SEMA3A: variants seen among roughly 807,000 people sequenced by gnomAD.
The protein encoded by SEMA3A is semaphorin 3A, also known as semaphorin-3A.
SEMA3A carries 29 observed loss-of-function variants against 97.9 expected under a neutral mutation model. The observed-to-expected ratio is 0.30, with a 90% CI of 0.22 to 0.40. SEMA3A has a LOEUF of 0.40. Among genes scored for constraint, SEMA3A ranks in the 10% least tolerant of loss-of-function variants. SEMA3A has a pLI of 1.00. For missense variants in SEMA3A, 763 were observed against 951.3 expected, an observed-to-expected ratio of 0.80 and a Z score of 2.60; for synonymous variants, 321 against 323.7, an observed-to-expected ratio of 0.99 and a Z score of 0.09.
rs562964953 is a variant in SEMA3A, at chr7:84,405,608, C to T, written c.-245-33708G>A. Among the ~76,000 whole-genome samples the T allele has an allele frequency of 7.0e-4, 107 of 152,322 alleles. 1 individual carries two copies. Among genetic ancestry groups the T allele is most frequent in the African/African-American group, 2.3e-3 (97 of 41,566 alleles). On this transcript the variant is annotated intron_variant, in intron 1 of 3. Transcript: ENST00000424555. Reference sequence around the variant, plus strand: ...AGAATATGCATTCTTTGCAGCACCACACCACACCTATTCCAAAAATGACCA... The same window carrying T: ...AGAATATGCATTCTTTGCAGCACCATACCACACCTATTCCAAAAATGACCA...
chr7:84,085,330 A>G, intron 4 of SEMA3A, among the ~76,000 whole-genome samples: 1 of 151,958 alleles, frequency 6.6e-6, no homozygotes, highest in East Asian at 1.9e-4. Flanking sequence ...AAATGAGAAC[A>G]TAGATGTAGG....
chr7:83,987,710 CTCT>C (rs1789696192), intron 12 of SEMA3A, among the ~76,000 whole-genome samples: 1 of 152,216 alleles, frequency 6.6e-6, no homozygotes, highest in Non-Finnish European at 1.5e-5. Context: ...TTTCTCTCCT[CTCT>C]TCAACTTACC....
chr7:84,099,065 C>CTTTTTTTTTTTTTTTTTTTTTT (rs754026184), intron 4 of SEMA3A, among the ~76,000 whole-genome samples: 2 of 92,556 alleles, frequency 2.2e-5, no homozygotes, highest in Non-Finnish European at 2.3e-5. Context: ...ATTACATTTT[C>CTTTTTTTTTTTTTTTTTTTTTT]TTTTTTTTTC....
At chr7:84,351,991 A>C (rs920750234) in intron 2 of SEMA3A, among the ~76,000 whole-genome samples, 1 of 151,852 alleles carries the variant, frequency 6.6e-6, no homozygotes, top group Admixed American at 6.6e-5. Flanking sequence ...CAGCAGATGA[A>C]TGGATAAAGA....
At chr7:84,226,916 C>T (rs2116347362) in intron 3 of SEMA3A, among the ~76,000 whole-genome samples, 2 of 152,148 alleles carry the variant, frequency 1.3e-5, no homozygotes, top group South Asian at 4.1e-4. Flanking sequence ...TAAAAACCCT[C>T]TGTGCATTAA....
intron 4 of SEMA3A, among the ~76,000 whole-genome samples, chr7:84,092,175 G>T (rs567904117): frequency 4.6e-5 from 7 of 152,086 alleles, no homozygotes; most frequent in Non-Finnish European, 1.0e-4. Context: ...TGATTGTTAA[G>T]CAGGTTGTGT....
intron 3 of SEMA3A, among the ~76,000 whole-genome samples, chr7:84,224,221 A>G (rs1371738787): frequency 3.3e-5 from 5 of 152,006 alleles, no homozygotes; most frequent in African/African-American, 9.7e-5. Flanking sequence ...AAAGTGACCT[A>G]TGTAAGAGAT....
At chr7:84,265,541 TTA>T (rs923047200) in intron 3 of SEMA3A, among the ~76,000 whole-genome samples, 1 of 147,802 alleles carries the variant, frequency 6.8e-6, no homozygotes, top group Non-Finnish European at 1.5e-5. Flanking sequence ...ATTATATATT[TTA>T]TATGTTTATA....
At chr7:84,058,788 C>T (rs548467305) in intron 5 of SEMA3A, among the ~76,000 whole-genome samples, 1 of 152,268 alleles carries the variant, frequency 6.6e-6, no homozygotes, top group East Asian at 1.9e-4. Context: ...CTTCCTGACT[C>T]ACTGAACTTT....
At chr7:84,144,330 T>C (rs543128910) in intron 1 of SEMA3A, among the ~76,000 whole-genome samples, 1 of 152,032 alleles carries the variant, frequency 6.6e-6, no homozygotes, top group South Asian at 2.1e-4. Flanking sequence ...ATGAAGAGCA[T>C]AGGAAAGAAG....
chr7:84,394,881 T>A (rs1244547421), intron 1 of SEMA3A, among the ~76,000 whole-genome samples: 2 of 152,138 alleles, frequency 1.3e-5, no homozygotes, highest in African/African-American at 4.8e-5. Flanking sequence ...TCACAAAGGT[T>A]AGAAACAGTG....
chr7:84,214,796 T>G (rs1798707626), intron 3 of SEMA3A, among the ~76,000 whole-genome samples: 1 of 151,726 alleles, frequency 6.6e-6, no homozygotes, highest in South Asian at 2.1e-4. Context: ...CCTCCTGGGT[T>G]CAAGCAATTC....
intron 3 of SEMA3A, among the ~76,000 whole-genome samples, chr7:84,278,272 C>T (rs997922064): frequency 2.6e-5 from 4 of 152,096 alleles, no homozygotes; most frequent in African/African-American, 7.2e-5. Context: ...CTGAGACCTC[C>T]TCAGCCTAGA....
chr7:84,011,216 G>A lies in SEMA3A; in HGVS notation c.892C>T (p.Pro298Ser). ...TCAAAATGAGTGTCAATGCCATTTG[G>A]ACCTGGCACTGAGCAAATCAGACGA... ...KARLICSVPG[P>S]NGIDTHFDEL... Residue 298 changes from proline (P) to serine (S), a missense_variant, in exon 8 of 17, where the codon CCA becomes TCA. Pro to Ser is a moderately conservative substitution (Grantham distance 74, BLOSUM62 -1). Transcript: ENST00000265362. The A allele has an allele frequency of 1.9e-6, 3 of 1,613,492 alleles. No homozygotes were observed. In the African/African-American group the frequency reaches 4.0e-5, roughly 22 times the overall value.
At chr7:84,336,432 C>T (rs1166368720) in intron 2 of SEMA3A, among the ~76,000 whole-genome samples, 2 of 152,042 alleles carry the variant, frequency 1.3e-5, no homozygotes, top group Admixed American at 6.6e-5. Context: ...AATGGCCACA[C>T]GCCAATAGAT....
intron 3 of SEMA3A, among the ~76,000 whole-genome samples, chr7:84,249,400 T>TATCTATCTATCTATCTATC: frequency 6.6e-6 from 1 of 151,786 alleles, no homozygotes. Context: ...TCTATCTATC[T>TATCTATCTATCTATCTATC]ATCTATCTAT....
chr7:84,183,908 G>A (rs1797802616), intron 1 of SEMA3A, among the ~76,000 whole-genome samples: 1 of 152,106 alleles, frequency 6.6e-6, no homozygotes. Flanking sequence ...ATTATAGACT[G>A]AGATTTGTAT....
At chr7:83,995,989 T>G (rs1031265083) in intron 12 of SEMA3A, among the ~76,000 whole-genome samples, 1 of 152,284 alleles carries the variant, frequency 6.6e-6, no homozygotes, top group South Asian at 2.1e-4. Context: ...ATAAATTGGG[T>G]TTAAAATACA....
chr7:84,358,384 T>C (rs1199580446), intron 2 of SEMA3A, among the ~76,000 whole-genome samples: 1 of 152,206 alleles, frequency 6.6e-6, no homozygotes, highest in African/African-American at 2.4e-5. Context: ...CACCATTTGT[T>C]AAATAGGGAA....
Sources: allele counts gnomAD v4.1 joint callset (sites outside exome capture counted in the v4.1 genomes callset), GRCh38; gene constraint gnomAD v4.1.1; transcripts MANE v1.5; gene names NCBI Gene and HGNC (gene_info 2026-07-23, HGNC 2026-07-21).